The following ARHGEF4 variants were observed in gnomAD, a reference collection of about 807,000 sequenced individuals.
ARHGEF4 encodes Rho guanine nucleotide exchange factor 4, also known as APC-stimulated guanine nucleotide exchange factor 1.
A neutral mutation model predicts 162.0 loss-of-function variants in ARHGEF4; 119 were observed. The observed-to-expected ratio is 0.73, with a 90% CI of 0.63 to 0.86. ARHGEF4 has a LOEUF of 0.86. Among genes scored for constraint, ARHGEF4 ranks in the 40% least tolerant of loss-of-function variants. ARHGEF4 has a pLI of 0.00. For synonymous variants in ARHGEF4, 1,014 were observed against 979.9 expected, an observed-to-expected ratio of 1.03 and a Z score of -0.65; for missense variants, 2,488 against 2,456.0, an observed-to-expected ratio of 1.01 and a Z score of -0.28.
rs1027349797 is a variant in ARHGEF4, at chr2:130,925,275, G to A, written c.3553-5677G>A. Among the ~76,000 whole-genome samples, 17 of 152,122 alleles carry A rather than the reference G, an allele frequency of 1.1e-4. 1 individual carries two copies. The highest frequency in any genetic ancestry group is 1.1e-3 in the Admixed American group (17 of 15,298). ...AAGTAATCAAGACCATGTAGTACTG[G>A]GGGAGGGAAAATTACATAGAGTAAT... On this transcript the variant is annotated intron_variant, in intron 2 of 13. Transcript: ENST00000409359.
At chr2:131,045,305 G>T in intron 12 of ARHGEF4, 64 bp from the exon 13 acceptor site, 1 of 1,450,944 alleles carries the variant, frequency 6.9e-7, no homozygotes, top group Middle Eastern at 2.1e-4. Flanking sequence ...AGGTGCAGGT[G>T]TGCAGGGAAC....
At chr2:130,983,882 C>G (rs1351571019) in intron 4 of ARHGEF4, among the ~76,000 whole-genome samples, 1 of 152,170 alleles carries the variant, frequency 6.6e-6, no homozygotes, top group Non-Finnish European at 1.5e-5. Context: ...ATCTCCTGAC[C>G]TTGTGATCTG....
chr2:131,044,917 G>A (rs143733705), intron 12 of ARHGEF4, among the ~76,000 whole-genome samples: 2,074 of 152,294 alleles, frequency 0.014, 32 homozygotes, highest in Non-Finnish European at 0.022. Flanking sequence ...AAAGCCCTGG[G>A]AGAGCCTTGG....
rs1174212061 is a variant in ARHGEF4, at chr2:130,988,899, T to TAGAGAGAGAGAGAG, written c.3986-39045_3986-39044insGAGAGAGAGAGAGA. On this transcript the variant is annotated intron_variant, in intron 4 of 13. Coordinates refer to ENST00000409359, the MANE Select transcript of ARHGEF4 (RefSeq NM_001367493.1). The stretch of plus-strand genomic sequence containing the variant: ...ATATATATATATATATATATATATA[T>TAGAGAGAGAGAGAG]ATAGAGAGAGAGAGAGAGAGAGAGA... 9.7e-5 allele frequency among the ~76,000 whole-genome samples: 11 copies of TAGAGAGAGAGAGAG among 113,062 alleles called. No homozygotes were observed. The South Asian group carries it at 1.5e-3, about 15-fold the overall frequency. 74.2% of individuals were successfully genotyped at this position (113,062 alleles called of 152,430 possible).
At position 130,916,671 on chromosome 2, in the gene ARHGEF4, T is replaced by G; in HGVS notation, c.2725T>G (p.Leu909Val). 1 of 1,550,578 alleles carries G rather than the reference T, an allele frequency of 6.4e-7. No individual in the cohort carries two copies. The highest frequency in any genetic ancestry group is 8.7e-7 in the Non-Finnish European group (1 of 1,146,980). Residue 909 changes from leucine to valine, a missense_variant, in exon 2 of 14, where the codon TTG (leucine) becomes GTG (valine). Around this residue, in one of 6 missense-constraint regions of ARHGEF4, gnomAD observed 1,642 missense variants for 1,481.5 expected, o/e 1.11. Coordinates refer to ENST00000409359, the MANE Select transcript of ARHGEF4 (RefSeq NM_001367493.1). ...AACGGAGAAAAAACTCAGGGCAAGG[T>G]TGGCCTTGGCTCATAAGACCTTTTC... Reference protein sequence around the residue: ...KTTEKKLRARLALAHKTFSNF... With the variant: ...KTTEKKLRARVALAHKTFSNF...
At chr2:130,900,488 C>T (rs1322316542) in intron 1 of ARHGEF4, among the ~76,000 whole-genome samples, 2 of 152,168 alleles carry the variant, frequency 1.3e-5, no homozygotes, top group East Asian at 1.9e-4. Context: ...CTGTCAAATC[C>T]ATTCATTCAG....
intron 4 of ARHGEF4, among the ~76,000 whole-genome samples, chr2:130,994,964 T>A (rs1304351048): frequency 6.6e-6 from 1 of 152,238 alleles, no homozygotes; most frequent in Non-Finnish European, 1.5e-5. Flanking sequence ...CACAGCATTT[T>A]ATCTGTGTCT....
chr2:131,008,891 C>T (rs1688286714), intron 4 of ARHGEF4, among the ~76,000 whole-genome samples: 1 of 152,112 alleles, frequency 6.6e-6, no homozygotes, highest in Non-Finnish European at 1.5e-5. Context: ...ATAAGCCCCA[C>T]AATATAATGT....
chr2:130,895,767 A>G (rs1196260972), intron 1 of ARHGEF4, among the ~76,000 whole-genome samples: 1 of 152,122 alleles, frequency 6.6e-6, no homozygotes, highest in Non-Finnish European at 1.5e-5. Context: ...ATTTTTTCAA[A>G]TCCTTTCTCC....
intron 1 of ARHGEF4, among the ~76,000 whole-genome samples, chr2:130,859,682 A>AT (rs989713167): frequency 6.5e-4 from 1 of 1,532 alleles, no homozygotes; most frequent in African/African-American, 1.5e-3. Context: ...TAAGAATGGT[A>AT]TGAGGGACTT....
At position 130,867,936 on chromosome 2, in the gene ARHGEF4, C is replaced by CTT. The variant is rs1156618796; in HGVS notation, c.39+30959_39+30960dup. The stretch of plus-strand genomic sequence containing the variant: ...ATGTGTTTTTTTCTTTTTTTTTTTT[C>CTT]TTTTTTTTTTTTTTTTGGAGACAGA... On this transcript the variant is annotated intron_variant, in intron 1 of 13. Transcript: ENST00000409359. Among the ~76,000 whole-genome samples the CTT allele has an allele frequency of 3.1e-4, 37 of 119,920 alleles. 1 individual carries two copies. The highest frequency in any genetic ancestry group is 6.0e-4 in the African/African-American group (19 of 31,480). 78.7% of individuals were successfully genotyped at this position (119,920 alleles called of 152,430 possible).
At chr2:130,842,752 C>T (rs1375369800) in intron 1 of ARHGEF4, among the ~76,000 whole-genome samples, 4 of 152,228 alleles carry the variant, frequency 2.6e-5, no homozygotes, top group Non-Finnish European at 4.4e-5. Context: ...CTCTCCTCCC[C>T]ACCTTCCTGC....
intron 1 of ARHGEF4, among the ~76,000 whole-genome samples, chr2:130,908,849 A>C (rs551988665): frequency 6.0e-4 from 92 of 152,332 alleles, no homozygotes; most frequent in African/African-American, 2.1e-3. Flanking sequence ...GTAAGAACAC[A>C]ATCCAGTTTT....
chr2:130,850,107 C>T (rs1681296168), intron 1 of ARHGEF4, among the ~76,000 whole-genome samples: 1 of 152,156 alleles, frequency 6.6e-6, no homozygotes, highest in South Asian at 2.1e-4. Context: ...GCTGGGTCAA[C>T]CTCCTGGCCC....
At chr2:131,038,562 A>G (rs2105400553) in intron 5 of ARHGEF4, among the ~76,000 whole-genome samples, 1 of 152,248 alleles carries the variant, frequency 6.6e-6, no homozygotes, top group African/African-American at 2.4e-5. Context: ...GCCCCCAGGA[A>G]TTCTGGATTG....
At chr2:130,934,404 A>G (rs1201044420) in intron 3 of ARHGEF4, among the ~76,000 whole-genome samples, 1 of 152,116 alleles carries the variant, frequency 6.6e-6, no homozygotes, top group East Asian at 1.9e-4. Context: ...TTCACCAGTG[A>G]AGCTTTCTGG....
chr2:130,891,580 T>C (rs1404546674), intron 1 of ARHGEF4, among the ~76,000 whole-genome samples: 1 of 152,174 alleles, frequency 6.6e-6, no homozygotes, highest in South Asian at 2.1e-4. Flanking sequence ...TTCTGAAAGC[T>C]GGAAATCCAA....
intron 1 of ARHGEF4, among the ~76,000 whole-genome samples, chr2:130,890,769 A>G (rs1028088937): frequency 1.3e-5 from 2 of 152,034 alleles, no homozygotes; most frequent in Non-Finnish European, 2.9e-5. Context: ...TGTTCCCTAT[A>G]GATACTTAAG....
chr2:130,981,279 C>G (rs1267570242), intron 4 of ARHGEF4, among the ~76,000 whole-genome samples: 1 of 152,160 alleles, frequency 6.6e-6, no homozygotes, highest in African/African-American at 2.4e-5. Context: ...TAATTATTCA[C>G]AGAACCAAAT....
Sources: allele counts gnomAD v4.1 joint callset (sites outside exome capture counted in the v4.1 genomes callset), GRCh38; gene constraint gnomAD v4.1.1; regional missense constraint gnomAD v4.1.1; transcripts MANE v1.5; gene names NCBI Gene and HGNC (gene_info 2026-07-23, HGNC 2026-07-21).